LAMA4: variants seen among roughly 807,000 people sequenced by gnomAD.
The protein encoded by LAMA4 is laminin subunit alpha-4.
LAMA4 carries 127 observed loss-of-function variants against 207.1 expected under a neutral mutation model. The observed-to-expected ratio is 0.61, with a 90% CI of 0.53 to 0.71. The LOEUF (loss-of-function observed/expected upper bound fraction) is 0.71. LAMA4 is among the 30% of genes least tolerant of loss of function. LAMA4 has a pLI of 0.00. For missense variants in LAMA4, 2,093 were observed against 2,246.5 expected (o/e 0.93, Z 1.38); for synonymous variants, 761 against 816.0 (o/e 0.93, Z 1.15).
At chr6:112,201,526 G>A in intron 5 of LAMA4, 82 bp downstream of exon 5, 1 of 1,112,276 alleles carries the variant, frequency 9.0e-7, no homozygotes, top group Non-Finnish European at 1.4e-6. Context: ...CCACTGAATG[G>A]GAGTATGGCA....
intron 17 of LAMA4, among the ~76,000 whole-genome samples, chr6:112,149,091 C>T (rs1385363733): frequency 7.7e-6 from 1 of 129,616 alleles, no homozygotes; most frequent in Non-Finnish European, 1.7e-5. Flanking sequence ...ATACCATCAC[C>T]TAAGTGAATT....
At chr6:112,171,229 T>C (rs530823677) in intron 12 of LAMA4, among the ~76,000 whole-genome samples, 1 of 151,512 alleles carries the variant, frequency 6.6e-6, no homozygotes, top group Non-Finnish European at 1.5e-5. Flanking sequence ...TTTTTTTTTT[T>C]AAACTACTGG....
chr6:112,187,765 A>G (rs1782781355), intron 7 of LAMA4, among the ~76,000 whole-genome samples, 164 bp from the exon 8 acceptor site: 1 of 152,166 alleles, frequency 6.6e-6, no homozygotes, highest in African/African-American at 2.4e-5. Flanking sequence ...CTTGCTTGGC[A>G]TTAGCTAGTG....
At chr6:112,206,344 CAG>C (rs1784057431) in intron 4 of LAMA4, among the ~76,000 whole-genome samples, 1 of 152,142 alleles carries the variant, frequency 6.6e-6, no homozygotes, top group Admixed American at 6.5e-5. Context: ...CAGTTGGTGT[CAG>C]AGAGTTGGTC....
At chr6:112,138,238 C>T (rs1355546825) in intron 24 of LAMA4, among the ~76,000 whole-genome samples, 1 of 152,040 alleles carries the variant, frequency 6.6e-6, no homozygotes, top group Non-Finnish European at 1.5e-5. Flanking sequence ...GGAAATACAC[C>T]AATCAAATCT....
At chr6:112,244,701 C>A (rs1283965752) in intron 2 of LAMA4, among the ~76,000 whole-genome samples, 1 of 152,186 alleles carries the variant, frequency 6.6e-6, no homozygotes, top group African/African-American at 2.4e-5. Context: ...GCACCCACAC[C>A]TCCCCTCTCT....
At chr6:112,214,059 T>A in intron 3 of LAMA4, 1 of 761,894 alleles carries the variant, frequency 1.3e-6, no homozygotes, top group Non-Finnish European at 2.4e-6. Context: ...CTGGGTCTTC[T>A]CCGTCAGTAG....
At chr6:112,160,460 A>G (rs906705527) in intron 13 of LAMA4, among the ~76,000 whole-genome samples, 2 of 151,918 alleles carry the variant, frequency 1.3e-5, no homozygotes, top group Non-Finnish European at 2.9e-5. Flanking sequence ...ACAAACAAAC[A>G]AACAAAAAAC....
chr6:112,226,412 G>GTATGT (rs1785215696), intron 2 of LAMA4, among the ~76,000 whole-genome samples: 2 of 151,948 alleles, frequency 1.3e-5, no homozygotes, highest in Non-Finnish European at 2.9e-5. Context: ...CCTTGCCTTT[G>GTATGT]CATATACTAT....
intron 24 of LAMA4, among the ~76,000 whole-genome samples, chr6:112,137,370 A>T (rs1227368113): frequency 2.0e-5 from 3 of 152,230 alleles, no homozygotes; most frequent in Admixed American, 6.5e-5. Context: ...ATTTAAAAAA[A>T]CCTGAAATAG....
chr6:112,173,402 A>T (rs782453329), intron 11 of LAMA4, among the ~76,000 whole-genome samples: 1 of 152,232 alleles, frequency 6.6e-6, no homozygotes, highest in Non-Finnish European at 1.5e-5. Context: ...TGTTTTCTTC[A>T]GGGAATATTA....
At chr6:112,250,705 G>A (rs1257612293) in intron 2 of LAMA4, among the ~76,000 whole-genome samples, 2 of 152,130 alleles carry the variant, frequency 1.3e-5, no homozygotes, top group East Asian at 3.9e-4. Context: ...CAGTCTCTGT[G>A]TGGCTTCTTT....
chr6:112,152,472 A>T (rs1780456283), intron 16 of LAMA4, among the ~76,000 whole-genome samples: 1 of 152,106 alleles, frequency 6.6e-6, no homozygotes, highest in Admixed American at 6.5e-5. Flanking sequence ...ATCATGATGT[A>T]ATTACCTCAT....
intron 9 of LAMA4, among the ~76,000 whole-genome samples, chr6:112,182,981 G>A (rs1226774818): frequency 6.6e-6 from 1 of 152,220 alleles, no homozygotes; most frequent in Non-Finnish European, 1.5e-5. Flanking sequence ...GGAAAGGGCT[G>A]TAGGACTTCC....
chr6:112,181,028 G>A (rs542901077), intron 9 of LAMA4, among the ~76,000 whole-genome samples: 3 of 152,148 alleles, frequency 2.0e-5, no homozygotes, highest in Admixed American at 6.5e-5. Context: ...AGTCATCCAC[G>A]TCTCAGGATG....
Position 112,150,586 on chromosome 6 carries a change from C to G in LAMA4, c.2098G>C (p.Gly700Arg). ...AVADTSRRVG[G>R]ALARKSALKT... ...AGGGCACTTTTCCTTGCTAGGGCTCCACCCACACGCCTGCTAGTGTCAGCC... is the reference window on the plus strand; with the variant it reads ...AGGGCACTTTTCCTTGCTAGGGCTCGACCCACACGCCTGCTAGTGTCAGCC... Residue 700 changes from glycine (G) to arginine (R), a missense_variant, in exon 17 of 39, where the codon GGA (glycine) becomes CGA (arginine). By Grantham distance (125) the Gly-to-Arg change is moderately radical (BLOSUM62 -2). This residue lies in a region of LAMA4 where 1,704 missense variants were observed against 1,788.4 expected (regional missense o/e 0.95). Transcript: ENST00000230538. 1 of 1,614,048 alleles carries G rather than the reference C, an allele frequency of 6.2e-7. No homozygotes were observed. The highest frequency in any genetic ancestry group is 8.5e-7 in the Non-Finnish European group (1 of 1,179,936).
intron 3 of LAMA4, among the ~76,000 whole-genome samples, chr6:112,209,229 C>T (rs186550220): frequency 6.6e-6 from 1 of 152,288 alleles, no homozygotes; most frequent in East Asian, 1.9e-4. Flanking sequence ...GATGAAGCCC[C>T]TCTCTGCAGA....
intron 12 of LAMA4, chr6:112,172,068 C>A: frequency 6.1e-6 from 1 of 163,082 alleles, no homozygotes; most frequent in Admixed American, 5.9e-5. Context: ...CAGTTCTCAG[C>A]TTTGTAGGTG....
At chr6:112,139,000 C>A in intron 24 of LAMA4, 120 bp downstream of exon 24, 1 of 1,045,370 alleles carries the variant, frequency 9.6e-7, no homozygotes, top group East Asian at 2.4e-5. Context: ...ATTTGACTTT[C>A]TAAACTAGAA....
Sources: allele counts gnomAD v4.1 joint callset (sites outside exome capture counted in the v4.1 genomes callset), GRCh38; gene constraint gnomAD v4.1.1; regional missense constraint gnomAD v4.1.1; transcripts MANE v1.5; gene names NCBI Gene and HGNC (gene_info 2026-07-23, HGNC 2026-07-21).